SLC9B1: variants seen among roughly 807,000 people sequenced by gnomAD.
SLC9B1 encodes the protein sodium/hydrogen exchanger 9B1.
Under a neutral mutation model 51.7 loss-of-function variants are expected in SLC9B1, and 32 were observed. The observed-to-expected ratio is 0.62, with a 90% CI of 0.47 to 0.83. SLC9B1 has a LOEUF of 0.83. SLC9B1 is among the 40% of genes least tolerant of loss of function. SLC9B1 has a pLI of 0.00. For missense variants in SLC9B1, 406 were observed against 613.2 expected, an observed-to-expected ratio of 0.66 and a Z score of 3.57; for synonymous variants, 145 against 212.7, an observed-to-expected ratio of 0.68 and a Z score of 2.77.
chr4:102,942,117 C>G (rs1737033453), intron 6 of SLC9B1, among the ~76,000 whole-genome samples: 1 of 151,968 alleles, frequency 6.6e-6, no homozygotes, highest in Non-Finnish European at 1.5e-5. Flanking sequence ...GAAAAAACCC[C>G]AAGCAAACGA....
At chr4:103,014,936 T>A (rs1365533109) in intron 1 of SLC9B1, 2 of 152,110 alleles carry the variant, frequency 1.3e-5, no homozygotes, top group African/African-American at 4.8e-5. Context: ...AAAAAGGCCA[T>A]TAGGAGAATG....
chr4:102,945,714 A>C (rs1216080273), intron 5 of SLC9B1, among the ~76,000 whole-genome samples: 1 of 152,118 alleles, frequency 6.6e-6, no homozygotes, highest in Non-Finnish European at 1.5e-5. Context: ...CATGCCAAAG[A>C]AAATAACTTA....
chr4:102,969,999 A>C (rs948867756), intron 3 of SLC9B1, among the ~76,000 whole-genome samples: 1 of 152,212 alleles, frequency 6.6e-6, no homozygotes, highest in Non-Finnish European at 1.5e-5. Flanking sequence ...GAAAAGACCA[A>C]ATCTAAGTTT....
chr4:102,923,117 G>T (rs774150074), intron 7 of SLC9B1, among the ~76,000 whole-genome samples: 6 of 151,846 alleles, frequency 4.0e-5, no homozygotes, highest in Non-Finnish European at 8.8e-5. Flanking sequence ...ACAAAAAAGG[G>T]AATTTTAGAC....
intron 3 of SLC9B1, among the ~76,000 whole-genome samples, chr4:102,983,143 T>C (rs1266618016): frequency 1.3e-5 from 2 of 152,178 alleles, no homozygotes; most frequent in East Asian, 1.9e-4. Context: ...TCTACTGATA[T>C]GATCATGTGA....
chr4:102,956,604 G>A (rs1054782548), intron 3 of SLC9B1, among the ~76,000 whole-genome samples: 6 of 152,154 alleles, frequency 3.9e-5, no homozygotes, highest in Non-Finnish European at 7.4e-5. Context: ...TCCCTAGAAA[G>A]ACAGGCTAAA....
chr4:102,936,852 C>T (rs1433488740), intron 6 of SLC9B1, among the ~76,000 whole-genome samples: 2 of 152,040 alleles, frequency 1.3e-5, no homozygotes, highest in African/African-American at 4.8e-5. Flanking sequence ...CAAAAATTTC[C>T]CAAATCTTGC....
chr4:103,017,989 C>A (rs1348523936), intron 1 of SLC9B1, among the ~76,000 whole-genome samples: 1 of 152,154 alleles, frequency 6.6e-6, no homozygotes, highest in Non-Finnish European at 1.5e-5. Flanking sequence ...CCAGGAAAAA[C>A]AAAAGTGGCT....
chr4:103,008,571 T>C (rs919950314), intron 1 of SLC9B1, among the ~76,000 whole-genome samples: 1 of 151,602 alleles, frequency 6.6e-6, no homozygotes, highest in South Asian at 2.1e-4. Flanking sequence ...TTGGAAGAGA[T>C]GGGGTTTCAC....
chr4:102,923,108 C>T (rs1164121648), intron 7 of SLC9B1, among the ~76,000 whole-genome samples: 3 of 151,670 alleles, frequency 2.0e-5, no homozygotes, highest in Admixed American at 1.3e-4. Flanking sequence ...ACAACAACAA[C>T]AAAAAAGGGA....
intron 3 of SLC9B1, among the ~76,000 whole-genome samples, chr4:102,985,685 G>A (rs1051614158): frequency 4.0e-5 from 6 of 151,822 alleles, no homozygotes; most frequent in African/African-American, 7.2e-5. Context: ...CACCATGCCC[G>A]GCTAATTTTT....
intron 9 of SLC9B1, among the ~76,000 whole-genome samples, chr4:102,908,636 A>G (rs9307278): frequency 0.016 from 2,444 of 152,278 alleles, 7 homozygotes; most frequent in African/African-American, 0.053. Flanking sequence ...ACAAAATAGT[A>G]TATCTTTGTA....
intron 3 of SLC9B1, among the ~76,000 whole-genome samples, chr4:102,961,546 C>G (rs1560953690): frequency 6.6e-6 from 1 of 152,266 alleles, no homozygotes; most frequent in Non-Finnish European, 1.5e-5. Context: ...CTTTCAGTCA[C>G]TTATTTGTTT....
At chr4:102,905,977 C>G (rs1395770808) in intron 10 of SLC9B1, among the ~76,000 whole-genome samples, 2 of 151,848 alleles carry the variant, frequency 1.3e-5, no homozygotes, top group South Asian at 2.1e-4. Context: ...GCTCTGTCAC[C>G]CAGGCTGGAG....
At chr4:102,953,989 C>T (rs201411327) in intron 3 of SLC9B1, among the ~76,000 whole-genome samples, 172 of 28,958 alleles carry the variant, frequency 5.9e-3, no homozygotes, top group Admixed American at 7.6e-3. Context: ...ATTGCCCTGG[C>T]CAGAACTTCC....
intron 1 of SLC9B1, among the ~76,000 whole-genome samples, chr4:103,002,760 C>G (rs989747432): frequency 6.6e-6 from 1 of 152,184 alleles, no homozygotes; most frequent in Admixed American, 6.5e-5. Context: ...CCTTAACTCT[C>G]GAGTGCTTTC....
intron 3 of SLC9B1, among the ~76,000 whole-genome samples, chr4:102,972,856 T>C (rs542027284): frequency 8.8e-4 from 134 of 152,292 alleles, no homozygotes; most frequent in African/African-American, 3.2e-3. Context: ...ATGAGGGTGA[T>C]CAAAATTAAT....
chr4:102,999,305 T>A (rs1400539141), intron 1 of SLC9B1, among the ~76,000 whole-genome samples: 1 of 152,248 alleles, frequency 6.6e-6, no homozygotes, highest in Admixed American at 6.5e-5. Context: ...GTTAATGTAG[T>A]CCAATTTATC....
chr4:103,007,812 G>A (rs1740870255), intron 1 of SLC9B1, among the ~76,000 whole-genome samples: 1 of 151,754 alleles, frequency 6.6e-6, no homozygotes, highest in Admixed American at 6.6e-5. Context: ...GGCTGGTCTT[G>A]AACTCCTGGG....
Sources: allele counts gnomAD v4.1 joint callset (sites outside exome capture counted in the v4.1 genomes callset), GRCh38; gene constraint gnomAD v4.1.1; transcripts MANE v1.5; gene names NCBI Gene and HGNC (gene_info 2026-07-23, HGNC 2026-07-21).